TM9SF4: variants seen among roughly 807,000 people sequenced by gnomAD.
The protein encoded by TM9SF4 is transmembrane 9 superfamily member 4, also known as dinucleotide oxidase disulfide thiol exchanger 3 superfamily member 4.
A neutral mutation model predicts 90.4 loss-of-function variants in TM9SF4; 26 were observed. The observed-to-expected ratio is 0.29, with a 90% confidence interval of 0.21 to 0.40. The LOEUF (loss-of-function observed/expected upper bound fraction) is 0.40, where lower values mean the gene tolerates loss of function less well. Ranked by LOEUF, TM9SF4 falls within the 10% of genes least tolerant of loss-of-function variation. The pLI is 1.00. For synonymous variants in TM9SF4, 293 were observed against 315.4 expected (o/e 0.93, Z 0.75); for missense variants, 549 against 834.8 (o/e 0.66, Z 4.22).
intron 2 of TM9SF4, among the ~76,000 whole-genome samples, chr20:32,135,578 A>G (rs1013267631): frequency 6.6e-6 from 1 of 152,162 alleles, no homozygotes; most frequent in African/African-American, 2.4e-5. Flanking sequence ...TGAGGTAAGG[A>G]CACAGGCAAG....
In TM9SF4 at chr20:32,155,109, A is replaced by G. The variant is rs2046899945; in HGVS notation, c.1252A>G (p.Thr418Ala). 1 of 1,613,750 alleles carries G rather than the reference A, an allele frequency of 6.2e-7. No individual in the cohort carries two copies. The highest frequency in any genetic ancestry group is 1.7e-5 in the Admixed American group (1 of 59,992). The part of the protein sequence containing the change: ...RWKKGAFCTA[T>A]LYPGVVFGIC... ...CCGGCCCCTCTTGCTCCAGACGGCA[A>G]CTCTGTACCCTGGTGTGGTTTTTGG... The change falls in exon 13 of 18, where the codon ACT becomes GCT. Residue 418 changes from threonine (T) to alanine (A), a missense_variant. By Grantham distance (58) the Thr-to-Ala change is moderately conservative (BLOSUM62 0). Coordinates refer to ENST00000398022, the MANE Select transcript of TM9SF4 (RefSeq NM_014742.4).
At chr20:32,160,258 G>GAGAGGCACAGCAA in intron 16 of TM9SF4, 147 bp downstream of exon 16, 1 of 1,121,614 alleles carries the variant, frequency 8.9e-7, no homozygotes, top group Non-Finnish European at 1.3e-6. Context: ...ACGTTGCTGT[G>GAGAGGCACAGCAA]CCTCTCCCAG....
chr20:32,133,938 C>A (rs865992785), intron 2 of TM9SF4, among the ~76,000 whole-genome samples: 5 of 151,494 alleles, frequency 3.3e-5, no homozygotes, highest in Non-Finnish European at 7.4e-5. Context: ...TCCCAAGTAG[C>A]TGGGACTACA....
intron 5 of TM9SF4, 23 bp from the exon 6 acceptor site, chr20:32,142,959 C>T: frequency 6.2e-7 from 1 of 1,611,230 alleles, no homozygotes; most frequent in Non-Finnish European, 8.5e-7. Context: ...TTCTGTTGTG[C>T]TTTCTCTGTT....
rs796173030 is a variant in TM9SF4, at chr20:32,130,333, GTGTTT to G, written c.16-2668_16-2664del. Among the ~76,000 whole-genome samples the G allele has an allele frequency of 9.9e-5, 15 of 152,284 alleles. No individual in the cohort carries two copies. In the South Asian group the frequency reaches 1.2e-3, roughly 13 times the overall value. On this transcript the variant is annotated intron_variant, in intron 1 of 17. Transcript: ENST00000398022. The stretch of plus-strand genomic sequence containing the variant: ...TGTTTTTCAAAAATTTAAGCTTGAG[GTGTTT>G]TGTTTTGTTTTTTAACAACTTTTGG...
intron 12 of TM9SF4, among the ~76,000 whole-genome samples, chr20:32,154,064 C>T (rs1402180162): frequency 6.6e-6 from 1 of 152,192 alleles, no homozygotes; most frequent in Non-Finnish European, 1.5e-5. Flanking sequence ...CCAGCATCTG[C>T]CACCCCAAGA....
chr20:32,151,968 T>A (rs1266890375), intron 12 of TM9SF4, among the ~76,000 whole-genome samples: 1 of 151,958 alleles, frequency 6.6e-6, no homozygotes, highest in Non-Finnish European at 1.5e-5. Flanking sequence ...TTCACACTAT[T>A]CTCCTGCCTC....
intron 17 of TM9SF4, 108 bp from the exon 18 acceptor site, chr20:32,165,187 C>T (rs1396974356): frequency 2.0e-6 from 3 of 1,490,630 alleles, no homozygotes; most frequent in Admixed American, 1.8e-5. Context: ...GCCCCTTCCC[C>T]TGGCCAGGCC....
chr20:32,136,825 G>A (rs2046601086), intron 3 of TM9SF4: 4 of 470,784 alleles, frequency 8.5e-6, no homozygotes, highest in Admixed American at 4.7e-5. Context: ...GCATGGAAAG[G>A]TGTCTCCCTG....
intron 17 of TM9SF4, among the ~76,000 whole-genome samples, chr20:32,163,293 A>G (rs373985776): frequency 7.1e-4 from 40 of 56,380 alleles, no homozygotes; most frequent in African/African-American, 1.0e-3. Flanking sequence ...ATATATATAT[A>G]TATGTATGTA....
chr20:32,137,176 G>A (rs1214940201), intron 3 of TM9SF4, among the ~76,000 whole-genome samples: 1 of 152,234 alleles, frequency 6.6e-6, no homozygotes, highest in Admixed American at 6.5e-5. Context: ...GCAGCTTGTG[G>A]CCCTGCCACT....
intron 16 of TM9SF4, 131 bp from the exon 17 acceptor site, chr20:32,161,145 C>G (rs1267094657): frequency 2.9e-6 from 2 of 695,208 alleles, no homozygotes; most frequent in Non-Finnish European, 5.0e-6. Context: ...CACAGTCAAG[C>G]TGTGAAACAT....
intron 1 of TM9SF4, among the ~76,000 whole-genome samples, chr20:32,121,957 G>A (rs920191673): frequency 4.1e-5 from 6 of 146,550 alleles, no homozygotes; most frequent in Non-Finnish European, 6.1e-5. Context: ...CCTCCCGGAC[G>A]GGGCGGCTGG....
chr20:32,122,454 C>T lies in TM9SF4; in HGVS notation c.16-10559C>T, dbSNP rs531417138. Reference sequence around the variant, plus strand: ...GAGGCTCCTCACTTCTCATACGGGGCGGCTGCCGGGCGGAGGGTCTCCTCA... The same window carrying T: ...GAGGCTCCTCACTTCTCATACGGGGTGGCTGCCGGGCGGAGGGTCTCCTCA... On this transcript the variant is annotated intron_variant, in intron 1 of 17. Transcript: ENST00000398022. Among the ~76,000 whole-genome samples the T allele has an allele frequency of 1.1e-4, 16 of 144,376 alleles. 1 individual carries two copies. In the South Asian group the frequency reaches 2.5e-3, roughly 23 times the overall value. 94.7% of individuals were successfully genotyped at this position (144,376 alleles called of 152,430 possible).
Position 32,165,846 on chromosome 20 carries a change from G to T in TM9SF4, c.*402G>T, listed in dbSNP as rs972564142. ...CACTGTCTCCACCTCAGTTCCTCAG[G>T]GCTGTTGGCCACCCTATGACTAACT... On this transcript the variant is annotated 3_prime_UTR_variant, in exon 18 of 18. Coordinates refer to ENST00000398022, the MANE Select transcript of TM9SF4 (RefSeq NM_014742.4). 1.5e-5 allele frequency: 3 copies of T among 198,584 alleles called. No individual in the cohort carries two copies. Among genetic ancestry groups the T allele is most frequent in the Non-Finnish European group, 3.2e-5 (3 of 94,862 alleles). The allele number at this position is 198,584 out of a possible 1,614,324, so 12.3% of individuals were successfully genotyped here.
At position 32,155,184 on chromosome 20, in the gene TM9SF4, G is replaced by C; in HGVS notation, c.1327G>C (p.Ala443Pro). 1 of 1,613,560 alleles carries C rather than the reference G, an allele frequency of 6.2e-7. No homozygotes were observed. Among genetic ancestry groups the C allele is most frequent in the Non-Finnish European group, 8.5e-7 (1 of 1,179,458 alleles). Residue 443 changes from alanine to proline, a missense_variant and splice_region_variant, in exon 13 of 18, where the codon GCG (alanine) becomes CCG (proline). Coordinates refer to ENST00000398022, the MANE Select transcript of TM9SF4 (RefSeq NM_014742.4). ...CFIWGKHSSG[A>P]VPFPTMVALL... ...CATTTGGGGAAAGCACTCATCAGGA[G>C]CGGTAAGTGCCTCCCCTACCCTTCC...
chr20:32,162,157 T>G (rs886367987), intron 17 of TM9SF4, among the ~76,000 whole-genome samples: 1 of 152,150 alleles, frequency 6.6e-6, no homozygotes, highest in African/African-American at 2.4e-5. Flanking sequence ...AAACTAATAC[T>G]CAAGACTTAC....
chr20:32,109,889 T>C, intron 1 of TM9SF4, 134 bp downstream of exon 1: 1 of 1,496,998 alleles, frequency 6.7e-7, no homozygotes, highest in Non-Finnish European at 8.9e-7. Flanking sequence ...TACCTCTGAC[T>C]GGGCTTGTCT....
At chr20:32,138,022 C>T (rs2046618614) in intron 3 of TM9SF4, among the ~76,000 whole-genome samples, 1 of 152,208 alleles carries the variant, frequency 6.6e-6, no homozygotes, top group Non-Finnish European at 1.5e-5. Context: ...CTGAGTATTT[C>T]ATAGTAGAGG....
Sources: gnomAD v4.1 joint callset for allele counts (sites outside exome capture counted in the v4.1 genomes callset) on GRCh38, gnomAD v4.1.1 for gene constraint, MANE v1.5 for transcripts, NCBI Gene and HGNC (gene_info 2026-07-23, HGNC 2026-07-21) for gene names.